The following ATRNL1 variants were observed in gnomAD, a reference collection of about 807,000 sequenced individuals.
ATRNL1 encodes the protein attractin like 1, also known as attractin-like protein 1.
Under a neutral mutation model 182.7 loss-of-function variants are expected in ATRNL1, and 95 were observed. That is an observed-to-expected ratio of 0.52 (90% confidence interval 0.44 to 0.62). The LOEUF is 0.62. Ranked by LOEUF, ATRNL1 falls within the 20% of genes least tolerant of loss-of-function variation. The pLI is 0.00. For synonymous variants in ATRNL1, 576 were observed against 568.3 expected (o/e 1.01, Z -0.19); for missense variants, 1,471 against 1,679.5 (o/e 0.88, Z 2.17).
At chr10:115,360,800 C>G (rs1554944000) in intron 19 of ATRNL1, among the ~76,000 whole-genome samples, 2 of 151,716 alleles carry the variant, frequency 1.3e-5, no homozygotes, top group African/African-American at 2.4e-5. Flanking sequence ...CCAACTCTTT[C>G]ATTTTGTTTA....
Position 115,789,700 on chromosome 10 carries a change from C to T in ATRNL1, c.3904-58177C>T, listed in dbSNP as rs186001888. Among the ~76,000 whole-genome samples the T allele has an allele frequency of 1.7e-3, 254 of 152,292 alleles. 4 individuals carry two copies. Among genetic ancestry groups the T allele is most frequent in the African/African-American group, 5.7e-3 (239 of 41,566 alleles). ...CCCTACTCTGTATTTTCCCATCATT[C>T]CTCCTGCCTAGTCTTAGTCATTTAC... On this transcript the variant is annotated intron_variant, in intron 27 of 28. Transcript: ENST00000355044.
intron 9 of ATRNL1, among the ~76,000 whole-genome samples, chr10:115,223,929 A>ATATATATATTTTTTTT (rs1420143943): frequency 4.2e-4 from 19 of 44,728 alleles, no homozygotes; most frequent in South Asian, 7.8e-4. Context: ...ATATATATAT[A>ATATATATATTTTTTTT]TTTTTTTTTT....
At chr10:115,751,521 A>G (rs1193538059) in intron 27 of ATRNL1, among the ~76,000 whole-genome samples, 5 of 152,058 alleles carry the variant, frequency 3.3e-5, no homozygotes, top group African/African-American at 1.2e-4. Flanking sequence ...GAATTTTGCT[A>G]TATTTACATA....
intron 27 of ATRNL1, among the ~76,000 whole-genome samples, chr10:115,824,846 G>A (rs1950391193): frequency 6.6e-6 from 1 of 152,166 alleles, no homozygotes; most frequent in South Asian, 2.1e-4. Context: ...GGAAGACAGT[G>A]TGGTGATTCC....
chr10:115,108,398 A>G (rs1264804), intron 1 of ATRNL1, among the ~76,000 whole-genome samples: 9,568 of 152,248 alleles, frequency 0.063, 992 homozygotes, highest in African/African-American at 0.22. Context: ...GATAAGAGAA[A>G]GAGAAACAGC....
intron 25 of ATRNL1, among the ~76,000 whole-genome samples, chr10:115,530,082 A>C (rs35117834): frequency 0.18 from 27,229 of 152,134 alleles, 3,065 homozygotes; most frequent in Non-Finnish European, 0.25. Context: ...TTGCTGAATA[A>C]TATTTCATCT....
At chr10:115,732,314 C>T (rs1947822859) in intron 27 of ATRNL1, among the ~76,000 whole-genome samples, 1 of 152,126 alleles carries the variant, frequency 6.6e-6, no homozygotes, top group Non-Finnish European at 1.5e-5. Flanking sequence ...TCTGGAATCT[C>T]AATATTATTC....
At chr10:115,846,806 T>C (rs960359004) in intron 27 of ATRNL1, among the ~76,000 whole-genome samples, 2 of 152,086 alleles carry the variant, frequency 1.3e-5, no homozygotes, top group Non-Finnish European at 2.9e-5. Context: ...TGATTAAGAA[T>C]GTGAACTCAG....
At chr10:115,258,428 T>A (rs1851251576) in intron 10 of ATRNL1, among the ~76,000 whole-genome samples, 1 of 152,174 alleles carries the variant, frequency 6.6e-6, no homozygotes, top group South Asian at 2.1e-4. Flanking sequence ...TGTGCATGCG[T>A]CATGAAGTTC....
chr10:115,326,946 A>G (rs142017823), intron 18 of ATRNL1, among the ~76,000 whole-genome samples: 2,070 of 152,342 alleles, frequency 0.014, 115 homozygotes, highest in Admixed American at 0.11. Context: ...AGATGGATTA[A>G]AGACTTAAAC....
At chr10:115,171,491 A>C in intron 8 of ATRNL1, 199 bp downstream of exon 8, 1 of 423,712 alleles carries the variant, frequency 2.4e-6, no homozygotes, top group Admixed American at 4.3e-5. Context: ...TTTTAACCAA[A>C]TGAGGGGAAA....
rs1373475685 is a variant in ATRNL1 at position 115,093,821 on chromosome 10, C to T, written c.71C>T (p.Pro24Leu). The change falls in exon 1 of 29, where the codon CCG becomes CTG. Residue 24 changes from proline to leucine, a missense_variant. Pro to Leu is a moderately conservative substitution (Grantham distance 98). Around this residue, in one of 3 missense-constraint regions of ATRNL1, gnomAD observed 1,031 missense variants for 1,156.0 expected, o/e 0.89. Transcript: ENST00000355044. The surrounding 1 kb of genome is among the most constrained non-coding windows in gnomAD (Gnocchi z 6.1). ...PAAPGVWRAR[P>L]AGGGGGGASS... Reference sequence around the variant, plus strand: ...GCCCCGGGGGTGTGGAGGGCTCGGCCGGCGGGCGGCGGCGGCGGGGGCGCC... The same window carrying T: ...GCCCCGGGGGTGTGGAGGGCTCGGCTGGCGGGCGGCGGCGGCGGGGGCGCC... 4.0e-6 allele frequency: 6 copies of T among 1,496,032 alleles called. No homozygotes were observed. Among genetic ancestry groups the T allele is most frequent in the Admixed American group, 4.4e-5 (2 of 45,940 alleles). The allele number at this position is 1,496,032 out of a possible 1,614,324, so 92.7% of individuals were successfully genotyped here.
At chr10:115,519,598 G>A (rs1554984718) in intron 25 of ATRNL1, among the ~76,000 whole-genome samples, 1 of 152,070 alleles carries the variant, frequency 6.6e-6, no homozygotes, top group African/African-American at 2.4e-5. Context: ...AATAATTATA[G>A]CCTGTTTTAA....
intron 19 of ATRNL1, among the ~76,000 whole-genome samples, chr10:115,364,370 G>A: frequency 3.7e-5 from 5 of 135,830 alleles, no homozygotes; most frequent in South Asian, 2.6e-4. Flanking sequence ...CATTGATTTT[G>A]TATCCTGAGA....
chr10:115,292,860 G>C (rs1554921329), intron 15 of ATRNL1, among the ~76,000 whole-genome samples: 1 of 152,076 alleles, frequency 6.6e-6, no homozygotes, highest in African/African-American at 2.4e-5. Context: ...GTAAATGTCT[G>C]TTAGATCCAT....
intron 19 of ATRNL1, among the ~76,000 whole-genome samples, chr10:115,346,113 A>G (rs545629724): frequency 2.6e-5 from 4 of 152,346 alleles, no homozygotes; most frequent in East Asian, 1.9e-4. Context: ...TGCATAATAT[A>G]AAGTTTACCA....
intron 26 of ATRNL1, among the ~76,000 whole-genome samples, chr10:115,696,870 CGAGAGA>C (rs138252590): frequency 5.4e-4 from 73 of 134,044 alleles, no homozygotes; most frequent in African/African-American, 1.8e-3. Flanking sequence ...CATATCAGAG[CGAGAGA>C]GAGAGAGAGA....
chr10:115,120,047 G>T (rs1844658352), intron 1 of ATRNL1, 138 bp from the exon 2 acceptor site: 1 of 570,234 alleles, frequency 1.8e-6, no homozygotes, highest in African/African-American at 2.0e-5. Flanking sequence ...ATTTTCCTAA[G>T]TTGTAAATAA....
intron 7 of ATRNL1, among the ~76,000 whole-genome samples, chr10:115,168,629 T>C (rs1475219033): frequency 6.6e-6 from 1 of 152,140 alleles, no homozygotes; most frequent in Non-Finnish European, 1.5e-5. Flanking sequence ...AAATGTCTAT[T>C]CAAGTCCTTT....
Sources: gnomAD v4.1 joint callset for allele counts (sites outside exome capture counted in the v4.1 genomes callset) on GRCh38, gnomAD v4.1.1 for gene constraint, gnomAD v4.1.1 regional missense constraint, Gnocchi (gnomAD v3.1) non-coding constraint, MANE v1.5 for transcripts, NCBI Gene and HGNC (gene_info 2026-07-23, HGNC 2026-07-21) for gene names.